UBR4: variants seen among roughly 807,000 people sequenced by gnomAD.
UBR4 encodes ubiquitin protein ligase E3 component n-recognin 4.
UBR4 carries 124 observed loss-of-function variants against 575.6 expected under a neutral mutation model. The ratio of observed to expected loss-of-function variants is 0.22; its 90% CI spans 0.19 to 0.25. UBR4 has a LOEUF of 0.25. UBR4 is among the 10% of genes least tolerant of loss of function. The pLI, the probability that UBR4 is intolerant of heterozygous loss-of-function variation, is 1.00. For synonymous variants in UBR4, 2,455 were observed against 2,473.7 expected, an observed-to-expected ratio of 0.99 and a Z score of 0.22; for missense variants, 4,818 against 6,478.8, an observed-to-expected ratio of 0.74 and a Z score of 8.80.
chr1:19,110,172 T>C lies in UBR4; in HGVS notation c.12029A>G (p.Glu4010Gly). Residue 4010 changes from glutamate (E) to glycine (G), a missense_variant, in exon 81 of 106, where the codon GAA becomes GGA. By Grantham distance (98) the Glu-to-Gly change is moderately conservative. Transcript: ENST00000375254. The surrounding 1 kb of genome is among the most constrained non-coding windows in gnomAD (Gnocchi z 4.5). ...AVNIKTPVVVENITLMCLRIL... is the reference protein window; with the variant it reads ...AVNIKTPVVVGNITLMCLRIL... ...CCTCAGGCACATGAGGGTAATGTTT[T>C]CAACCACCACAGGAGTCTTAATGTT... 6.2e-7 allele frequency: 1 copy of C among 1,614,214 alleles called. No homozygotes were observed. Among genetic ancestry groups the C allele is most frequent in the Non-Finnish European group, 8.5e-7 (1 of 1,180,038 alleles).
chr1:19,141,696 T>C lies in UBR4; in HGVS notation c.8261A>G (p.Gln2754Arg), dbSNP rs759903656. Residue 2754 changes from glutamine (Q) to arginine (R), a missense_variant, in exon 56 of 106, where the codon CAG (glutamine) becomes CGG (arginine). Gln to Arg is a conservative substitution (Grantham distance 43). This residue lies in a region of UBR4 where 129 missense variants were observed against 198.4 expected (regional missense o/e 0.65). Coordinates refer to ENST00000375254, the MANE Select transcript of UBR4 (RefSeq NM_020765.3). ...SGIPNGGHIR[Q>R]ESQEQSEVDH... ...CACCTCACTCTGTTCCTGGCTTTCCTGACGGATGTGACCACCATTCGGGAT... is the reference window on the plus strand; with the variant it reads ...CACCTCACTCTGTTCCTGGCTTTCCCGACGGATGTGACCACCATTCGGGAT... 1.2e-6 allele frequency: 2 copies of C among 1,614,250 alleles called. No homozygotes were observed. The highest frequency in any genetic ancestry group is 8.5e-7 in the Non-Finnish European group (1 of 1,180,038).
rs1388745661 is a variant in UBR4, at chr1:19,165,357, G to A, written c.4212-8C>T. 2 of 1,603,306 alleles carry A rather than the reference G, an allele frequency of 1.2e-6. No individual in the cohort carries two copies. The highest frequency in any genetic ancestry group is 1.7e-6 in the Non-Finnish European group (2 of 1,172,940). The stretch of plus-strand genomic sequence containing the variant: ...ATCTGTACAAGTTCTCCACTGGGAG[G>A]CAAGATGGGAGAAAAATGGAAAGAA... On this transcript the variant is annotated splice_polypyrimidine_tract_variant and splice_region_variant and intron_variant, in intron 30 of 105. Transcript: ENST00000375254.
intron 73 of UBR4, 22 bp from the exon 74 acceptor site, chr1:19,115,659 G>C (rs375359307): frequency 2.9e-5 from 47 of 1,612,740 alleles, no homozygotes; most frequent in Non-Finnish European, 4.0e-5. Context: ...AGACAGCCTT[G>C]AGATTTTCTC....
At chr1:19,118,775 C>A in intron 71 of UBR4, 97 bp downstream of exon 71, 2 of 1,248,422 alleles carry the variant, frequency 1.6e-6, no homozygotes, top group Non-Finnish European at 2.3e-6. Flanking sequence ...TTCTCTCAGG[C>A]GCTTGTCAAT....
rs114103399 is a variant in UBR4 at position 19,144,742 on chromosome 1, T to C, written c.8067+44A>G. 1.3e-4 allele frequency: 199 copies of C among 1,575,232 alleles called. 1 individual carries two copies. In the African/African-American group the frequency reaches 2.4e-3, roughly 19 times the overall value. ...CAAGCTAAAAACAATTTTCCAGATA[T>C]TCCCTGGCTGCTGCGAGCTCTCTGG... is the stretch of plus-strand genomic sequence containing the variant. On this transcript the variant is annotated intron_variant, in intron 54 of 105. Transcript: ENST00000375254.
chr1:19,101,645 C>T lies in UBR4; in HGVS notation c.12902-4G>A. ...GCCTTGGTTTCTGATTCTGTACCTG[C>T]CAGAAATCAAAGCGGCCAAGTTAGG... On this transcript the variant is annotated splice_region_variant and splice_polypyrimidine_tract_variant and intron_variant, in intron 87 of 105. Transcript: ENST00000375254. The T allele has an allele frequency of 6.3e-7, 1 of 1,598,934 alleles. No homozygotes were observed. The highest frequency in any genetic ancestry group is 8.6e-7 in the Non-Finnish European group (1 of 1,167,294).
rs1353598797 is a variant in UBR4, at chr1:19,163,852, G to A, written c.4701-25C>T. 1.9e-6 allele frequency: 3 copies of A among 1,613,226 alleles called. No homozygotes were observed. The East Asian group carries it at 6.7e-5, about 36-fold the overall frequency. On this transcript the variant is annotated intron_variant, in intron 33 of 105. Coordinates refer to ENST00000375254, the MANE Select transcript of UBR4 (RefSeq NM_020765.3). ...GCTGTCCCAAAGAAAAAAAAGAGGGGAAAGAGGAGACACAAAATCATCGAA... is the reference window on the plus strand; with the variant it reads ...GCTGTCCCAAAGAAAAAAAAGAGGGAAAAGAGGAGACACAAAATCATCGAA...
intron 87 of UBR4, 108 bp downstream of exon 87, chr1:19,103,976 T>C: frequency 7.6e-7 from 1 of 1,319,790 alleles, no homozygotes. Context: ...AGGGAGATGT[T>C]TGCCACCCCT....
chr1:19,082,313 C>T (rs2076598729), intron 102 of UBR4: 1 of 154,026 alleles, frequency 6.5e-6, no homozygotes, highest in African/African-American at 2.4e-5. Flanking sequence ...GATAGTGCCA[C>T]CACTATCCCA....
rs1019726416 is a variant in UBR4 at position 19,109,687 on chromosome 1, C to T, written c.12105+409G>A. 2.6e-5 allele frequency among the ~76,000 whole-genome samples: 4 copies of T among 152,232 alleles called. No homozygotes were observed. The East Asian group carries it at 7.7e-4, about 29-fold the overall frequency. On this transcript the variant is annotated intron_variant, in intron 81 of 105. Coordinates refer to ENST00000375254, the MANE Select transcript of UBR4 (RefSeq NM_020765.3). Reference sequence around the variant, plus strand: ...GGAAACTAAGGAACAACTTGCCCAACATCATGATGCTAATAAATGGAAGCG... The same window carrying T: ...GGAAACTAAGGAACAACTTGCCCAATATCATGATGCTAATAAATGGAAGCG...
intron 11 of UBR4, 147 bp downstream of exon 11, chr1:19,192,041 A>C: frequency 1.4e-6 from 1 of 728,808 alleles, no homozygotes; most frequent in Non-Finnish European, 2.2e-6. Flanking sequence ...TGGAGATAAC[A>C]GGTCATGATC....
In UBR4 at chr1:19,081,386, A is replaced by C; in HGVS notation, c.15196T>G (p.Ser5066Ala). Residue 5066 changes from serine (S) to alanine (A), a missense_variant, in exon 103 of 106, where the codon TCG becomes GCG. By Grantham distance (99) the Ser-to-Ala change is moderately conservative. Coordinates refer to ENST00000375254, the MANE Select transcript of UBR4 (RefSeq NM_020765.3). The stretch of plus-strand genomic sequence containing the variant: ...CCTGGAGCCACTGCCCGAGCCTGCG[A>C]GGTCACCAACAGCCTCCGCAAGATT... ...VEILRRLLVT[S>A]QARAVAPGGA... 1 of 1,611,754 alleles carries C rather than the reference A, an allele frequency of 6.2e-7. No homozygotes were observed. Among genetic ancestry groups the C allele is most frequent in the Non-Finnish European group, 8.5e-7 (1 of 1,178,664 alleles).
Position 19,160,109 on chromosome 1 carries a change from A to G in UBR4, c.5577+2T>C. 1 of 1,606,716 alleles carries G rather than the reference A, an allele frequency of 6.2e-7. No individual in the cohort carries two copies. The highest frequency in any genetic ancestry group is 8.5e-7 in the Non-Finnish European group (1 of 1,176,620). ...CAAACATCATGGCCCCAAGACACTC[A>G]CCATCAGCTGGTCTGTCATCTCCAC... On this transcript the variant is annotated splice_donor_variant, in intron 39 of 105. Coordinates refer to ENST00000375254, the MANE Select transcript of UBR4 (RefSeq NM_020765.3). LOFTEE classifies it high-confidence loss of function.
In UBR4 at chr1:19,110,093, T is replaced by C; in HGVS notation, c.12105+3A>G. On this transcript the variant is annotated splice_donor_region_variant and intron_variant, in intron 81 of 105. Transcript: ENST00000375254. This position sits in a 1 kb window ranked among gnomAD's most constrained non-coding sequence, Gnocchi z 4.5. ...CTTGTTAGACCCCTGCTTGGCCCAG[T>C]ACCTTGTTCTTCTTGCTAGTGGGAG... 1 of 1,614,082 alleles carries C rather than the reference T, an allele frequency of 6.2e-7. No homozygotes were observed. The highest frequency in any genetic ancestry group is 8.5e-7 in the Non-Finnish European group (1 of 1,180,016).
rs1476061884 is a variant in UBR4, at chr1:19,150,446, T to C, written c.7430+131A>G. 4.1e-6 allele frequency: 4 copies of C among 976,938 alleles called. No individual in the cohort carries two copies. The South Asian group carries it at 4.7e-5, about 11-fold the overall frequency. 60.5% of individuals were successfully genotyped at this position (976,938 alleles called of 1,614,324 possible). A position where few individuals can be genotyped will look rare whatever the true frequency, so the allele number is the denominator to read the frequency against. ...AGAGACACTGAATGTGGGCGAGTTGTATGAAAACTTAAAAAAATTCCAGGC... is the reference window on the plus strand; with the variant it reads ...AGAGACACTGAATGTGGGCGAGTTGCATGAAAACTTAAAAAAATTCCAGGC... On this transcript the variant is annotated intron_variant, in intron 49 of 105. Transcript: ENST00000375254.
intron 39 of UBR4, among the ~76,000 whole-genome samples, chr1:19,158,668 GC>G (rs1481719516): frequency 2.0e-5 from 3 of 151,798 alleles, no homozygotes; most frequent in Non-Finnish European, 2.9e-5. Context: ...TCACCATGTT[GC>G]CCAGGATGGT....
At position 19,139,455 on chromosome 1, in the gene UBR4, G is replaced by A. The variant is rs1463549532; in HGVS notation, c.8594-235C>T. Among the ~76,000 whole-genome samples, 2 of 152,192 alleles carry A rather than the reference G, an allele frequency of 1.3e-5. No homozygotes were observed. Among genetic ancestry groups the A allele is most frequent in the Admixed American group, 6.5e-5 (1 of 15,280 alleles). On this transcript the variant is annotated intron_variant, in intron 58 of 105. Coordinates refer to ENST00000375254, the MANE Select transcript of UBR4 (RefSeq NM_020765.3). This position sits in a 1 kb window ranked among gnomAD's most constrained non-coding sequence, Gnocchi z 4.2. ...CATTGCAAACAGTACTTAGACAGGAGTGAAGAAAACCCAGTTCACTGGGTA... is the reference window on the plus strand; with the variant it reads ...CATTGCAAACAGTACTTAGACAGGAATGAAGAAAACCCAGTTCACTGGGTA...
chr1:19,150,484 G>C (rs555583328), intron 49 of UBR4, 93 bp downstream of exon 49: 1 of 1,386,800 alleles, frequency 7.2e-7, no homozygotes, highest in South Asian at 1.2e-5. Flanking sequence ...GCCTTGAGAT[G>C]GTTATTAGAA....
intron 53 of UBR4, 77 bp downstream of exon 53, chr1:19,145,716 C>A: frequency 6.6e-7 from 1 of 1,510,392 alleles, no homozygotes; most frequent in Non-Finnish European, 9.0e-7. Flanking sequence ...AAGCTAATGG[C>A]TAACGGTCAT....
Sources: allele counts gnomAD v4.1 joint callset (sites outside exome capture counted in the v4.1 genomes callset), GRCh38; gene constraint gnomAD v4.1.1; regional missense constraint gnomAD v4.1.1; non-coding constraint Gnocchi (gnomAD v3.1); transcripts MANE v1.5; gene names NCBI Gene and HGNC (gene_info 2026-07-23, HGNC 2026-07-21).